The following GOPC variants were observed in gnomAD, a reference collection of about 807,000 sequenced individuals.
GOPC encodes the protein Golgi-associated PDZ and coiled-coil motif-containing protein.
In GOPC, 32 loss-of-function variants were observed where a neutral mutation model predicts 51.2. The ratio of observed to expected loss-of-function variants is 0.63; its 90% confidence interval spans 0.47 to 0.84. The LOEUF (loss-of-function observed/expected upper bound fraction) is 0.84. Among genes scored for constraint, GOPC ranks in the 40% least tolerant of loss-of-function variants. The pLI, the probability that GOPC is intolerant of heterozygous loss-of-function variation, is 0.00. For synonymous variants in GOPC, 190 were observed against 205.1 expected, an observed-to-expected ratio of 0.93 and a Z score of 0.63; for missense variants, 441 against 555.5, an observed-to-expected ratio of 0.79 and a Z score of 2.07.
At chr6:117,568,578 G>A (rs1292001517) in intron 7 of GOPC, among the ~76,000 whole-genome samples, 1 of 152,172 alleles carries the variant, frequency 6.6e-6, no homozygotes, top group South Asian at 2.1e-4. Context: ...AGCATTCTTA[G>A]ATCTCTCTTG....
intron 1 of GOPC, among the ~76,000 whole-genome samples, chr6:117,598,232 A>C (rs1316164162): frequency 2.7e-5 from 4 of 150,740 alleles, no homozygotes; most frequent in Non-Finnish European, 5.9e-5. Context: ...AAATTAGCTG[A>C]GTATAGTAGC....
At chr6:117,572,721 C>T (rs210640) in intron 5 of GOPC, among the ~76,000 whole-genome samples, 150,301 of 152,322 alleles carry the variant, frequency 0.99, 74,160 homozygotes, top group East Asian at 1. Flanking sequence ...ACCACCAGTG[C>T]CCTAGAAAAC....
Position 117,561,140 on chromosome 6 carries a change from G to C in GOPC, c.*2114C>G, listed in dbSNP as rs1271191162. On this transcript the variant is annotated 3_prime_UTR_variant, in exon 9 of 9. Transcript: ENST00000368498. ...GGAATGAAAAGGAAACTGACCTGTGGAGTTTTAAACTACCTGGAAACTTTT... is the reference window on the plus strand; with the variant it reads ...GGAATGAAAAGGAAACTGACCTGTGCAGTTTTAAACTACCTGGAAACTTTT... The C allele has an allele frequency of 4.5e-6, 1 of 224,114 alleles. No homozygotes were observed. The highest frequency in any genetic ancestry group is 6.4e-5 in the East Asian group (1 of 15,562). 13.9% of individuals were successfully genotyped at this position (224,114 alleles called of 1,614,324 possible). A position where few individuals can be genotyped will look rare whatever the true frequency, so the allele number is the denominator to read the frequency against.
In GOPC at chr6:117,562,896, C is replaced by T. The variant is rs1732070928; in HGVS notation, c.*358G>A. The T allele has an allele frequency of 4.2e-6, 1 of 240,342 alleles. No individual in the cohort carries two copies. The allele number at this position is 240,342 out of a possible 1,614,324, so 14.9% of individuals were successfully genotyped here. A position where few individuals can be genotyped will look rare whatever the true frequency, so the allele number is the denominator to read the frequency against. On this transcript the variant is annotated 3_prime_UTR_variant, in exon 9 of 9. Coordinates refer to ENST00000368498, the MANE Select transcript of GOPC (RefSeq NM_020399.4). Reference sequence around the variant, plus strand: ...TACTCTCTGTATTTTAAAGGGTACTCCTTATAAAATTCCAGTTAGCACTGT... The same window carrying T: ...TACTCTCTGTATTTTAAAGGGTACTTCTTATAAAATTCCAGTTAGCACTGT...
chr6:117,560,593 C>T lies in GOPC; in HGVS notation c.*2661G>A, dbSNP rs189535835. On this transcript the variant is annotated 3_prime_UTR_variant, in exon 9 of 9. Coordinates refer to ENST00000368498, the MANE Select transcript of GOPC (RefSeq NM_020399.4). ...ACCACAGACAAGCTGTGCTAACTTT[C>T]GATAGCTGTTGACTTGTAATTATCA... The T allele has an allele frequency of 1.6e-4, 31 of 193,618 alleles. No homozygotes were observed. The highest frequency in any genetic ancestry group is 1.3e-3 in the East Asian group (16 of 12,274). 12.0% of individuals were successfully genotyped at this position (193,618 alleles called of 1,614,324 possible).
intron 1 of GOPC, among the ~76,000 whole-genome samples, chr6:117,582,400 A>G (rs189548983): frequency 6.6e-6 from 1 of 151,616 alleles, no homozygotes; most frequent in Non-Finnish European, 1.5e-5. Context: ...CTGAAGCCCA[A>G]AGTGAGAACT....
Position 117,560,787 on chromosome 6 carries a change from T to C in GOPC, c.*2467A>G. On this transcript the variant is annotated 3_prime_UTR_variant, in exon 9 of 9. Transcript: ENST00000368498. Reference sequence around the variant, plus strand: ...CAACCCTCACATTTTATTAAAACGTTTTCTCAACCATTCTGTTTGTGTATA... The same window carrying C: ...CAACCCTCACATTTTATTAAAACGTCTTCTCAACCATTCTGTTTGTGTATA... 4.7e-6 allele frequency: 1 copy of C among 211,780 alleles called. No homozygotes were observed. The allele number at this position is 211,780 out of a possible 1,614,324, so 13.1% of individuals were successfully genotyped here.
At chr6:117,563,537 T>C (rs1005676919) in intron 8 of GOPC, among the ~76,000 whole-genome samples, 153 bp from the exon 9 acceptor site, 2 of 151,830 alleles carry the variant, frequency 1.3e-5, no homozygotes, top group African/African-American at 4.8e-5. Context: ...GCCTGGACAA[T>C]GTGGTGAAAC....
intron 1 of GOPC, among the ~76,000 whole-genome samples, chr6:117,594,198 G>C (rs568518049): frequency 2.4e-4 from 37 of 152,286 alleles, no homozygotes; most frequent in African/African-American, 8.2e-4. Flanking sequence ...CTCTTCTCTT[G>C]TTACACATAC....
intron 1 of GOPC, among the ~76,000 whole-genome samples, chr6:117,593,102 C>T (rs1780143278): frequency 6.6e-6 from 1 of 152,194 alleles, no homozygotes; most frequent in Admixed American, 6.5e-5. Flanking sequence ...TAACTAACCC[C>T]AAGCCATTCC....
intron 5 of GOPC, among the ~76,000 whole-genome samples, chr6:117,573,050 G>T (rs1779830360): frequency 6.6e-6 from 1 of 152,190 alleles, no homozygotes; most frequent in South Asian, 2.1e-4. Context: ...AGGTGTAAAT[G>T]TTAGTTCAGA....
At chr6:117,585,587 G>C (rs575945558) in intron 1 of GOPC, among the ~76,000 whole-genome samples, 1 of 152,226 alleles carries the variant, frequency 6.6e-6, no homozygotes, top group South Asian at 2.1e-4. Flanking sequence ...CAAATTGCAT[G>C]GTATTAAAAC....
At chr6:117,563,436 T>C in intron 8 of GOPC, 52 bp from the exon 9 acceptor site, 1 of 1,596,096 alleles carries the variant, frequency 6.3e-7, no homozygotes, top group Non-Finnish European at 8.5e-7. Context: ...AAAAAGTTGG[T>C]TTTGGTCAGG....
Position 117,584,237 on chromosome 6 carries a change from A to G in GOPC, c.286-5173T>C, listed in dbSNP as rs1326287683. Among the ~76,000 whole-genome samples, 5 of 152,248 alleles carry G rather than the reference A, an allele frequency of 3.3e-5. No individual in the cohort carries two copies. The East Asian group carries it at 5.8e-4, about 18-fold the overall frequency. On this transcript the variant is annotated intron_variant, in intron 1 of 8. Transcript: ENST00000368498. ...CACCCCACCAACAAACAAGCAATCA[A>G]TTTTGCAGCAGACATCAGTTGGGTG... is the stretch of plus-strand genomic sequence containing the variant.
chr6:117,576,533 T>C (rs182367973), intron 3 of GOPC, among the ~76,000 whole-genome samples: 12 of 152,238 alleles, frequency 7.9e-5, no homozygotes, highest in Non-Finnish European at 1.3e-4. Context: ...TAGACCAAGA[T>C]TTCTTTGGCT....
intron 4 of GOPC, 58 bp from the exon 5 acceptor site, chr6:117,573,690 C>A: frequency 7.1e-7 from 1 of 1,405,490 alleles, no homozygotes; most frequent in South Asian, 1.5e-5. Flanking sequence ...AGTGAGAATT[C>A]AGGAAAATTA....
At position 117,602,215 on chromosome 6, in the gene GOPC, G is replaced by A. The variant is rs1268533006; in HGVS notation, c.74C>T (p.Pro25Leu). The A allele has an allele frequency of 1.2e-6, 2 of 1,607,900 alleles. No homozygotes were observed. The highest frequency in any genetic ancestry group is 1.7e-6 in the Non-Finnish European group (2 of 1,179,970). ...PGGASCSVGA[P>L]GGVSMFRWLE... ...CCACCGGAACATGGATACCCCGCCA[G>A]GGGCCCCCACGGAGCAGGAGGCGCC... The change falls in exon 1 of 9, where the codon CCT becomes CTT. Residue 25 changes from proline to leucine, a missense_variant. Physicochemically the swap from Pro to Leu is moderately conservative, Grantham distance 98 (BLOSUM62 -3). Around this residue, in one of 3 missense-constraint regions of GOPC, gnomAD observed 204 missense variants for 219.8 expected, o/e 0.93. Coordinates refer to ENST00000368498, the MANE Select transcript of GOPC (RefSeq NM_020399.4).
intron 1 of GOPC, among the ~76,000 whole-genome samples, chr6:117,596,698 C>T (rs781444933): frequency 3.3e-5 from 5 of 152,090 alleles, no homozygotes; most frequent in Non-Finnish European, 7.4e-5. Flanking sequence ...GATCAGTTGA[C>T]TGTAAGTATT....
chr6:117,582,928 A>C (rs987985776), intron 1 of GOPC, among the ~76,000 whole-genome samples: 14 of 151,938 alleles, frequency 9.2e-5, no homozygotes, highest in African/African-American at 3.4e-4. Flanking sequence ...AGCTGCCCCC[A>C]AAAAGGCAAA....
Sources: allele counts gnomAD v4.1 joint callset (sites outside exome capture counted in the v4.1 genomes callset), GRCh38; gene constraint gnomAD v4.1.1; regional missense constraint gnomAD v4.1.1; transcripts MANE v1.5; gene names NCBI Gene and HGNC (gene_info 2026-07-23, HGNC 2026-07-21).